ECM2: variants seen among roughly 807,000 people sequenced by gnomAD.
ECM2 encodes extracellular matrix protein 2, female organ and adipocyte specific.
ECM2 carries 57 observed loss-of-function variants against 67.5 expected under a neutral mutation model. The ratio of observed to expected loss-of-function variants is 0.84; its 90% CI spans 0.68 to 1.05. The LOEUF (loss-of-function observed/expected upper bound fraction) is 1.05, where lower values mean the gene tolerates loss of function less well. Ranked by LOEUF, ECM2 falls within the 50% of genes least tolerant of loss-of-function variation. The pLI is 0.00. For missense variants in ECM2, 741 were observed against 822.8 expected, an observed-to-expected ratio of 0.90 and a Z score of 1.22; for synonymous variants, 258 against 294.5, an observed-to-expected ratio of 0.88 and a Z score of 1.27.
chr9:92,533,968 T>C (rs1007859486), intron 1 of ECM2, among the ~76,000 whole-genome samples: 1 of 152,170 alleles, frequency 6.6e-6, no homozygotes, highest in African/African-American at 2.4e-5. Flanking sequence ...AGTTTTACCT[T>C]GGTAAAAGAA....
chr9:92,518,407 G>A (rs1205744028), intron 2 of ECM2, among the ~76,000 whole-genome samples: 1 of 152,142 alleles, frequency 6.6e-6, no homozygotes, highest in Non-Finnish European at 1.5e-5. Flanking sequence ...AGCCAATCCA[G>A]TTCCCTCATG....
chr9:92,554,746 T>G, the ECM2 span, among the ~76,000 whole-genome samples: 7 of 151,998 alleles, frequency 4.6e-5, no homozygotes, highest in African/African-American at 1.7e-4. Flanking sequence ...CAAGCAAGTT[T>G]CCTGCCTCAG....
chr9:92,532,030 T>TTTTTTTG (rs1848821351), intron 1 of ECM2, among the ~76,000 whole-genome samples: 1 of 125,758 alleles, frequency 8.0e-6, no homozygotes, highest in Non-Finnish European at 1.6e-5. Context: ...TTTTTTTTTA[T>TTTTTTTG]TTTATTTTTT....
intron 6 of ECM2, 94 bp downstream of exon 6, chr9:92,509,805 T>C: frequency 1.6e-6 from 2 of 1,283,974 alleles, no homozygotes; most frequent in Non-Finnish European, 2.1e-6. Flanking sequence ...TATTTACTAT[T>C]TATTCATTTG....
Position 92,509,949 on chromosome 9 carries a change from A to T in ECM2, c.1256T>A (p.Leu419His). The change falls in exon 6 of 10, where the codon CTT becomes CAT. Residue 419 changes from leucine to histidine, a missense_variant. By Grantham distance (99) the Leu-to-His change is moderately conservative. Transcript: ENST00000344604. Reference protein sequence around the residue: ...PSQLPSTLEELKVNENNLQAI... With the variant: ...PSQLPSTLEEHKVNENNLQAI... Reference sequence around the variant, plus strand: ...CTGAAGATTGTTCTCATTGACTTTAAGTTCTTCTAATGTAGATGGCAATTG... The same window carrying T: ...CTGAAGATTGTTCTCATTGACTTTATGTTCTTCTAATGTAGATGGCAATTG... The T allele has an allele frequency of 6.2e-7, 1 of 1,610,342 alleles. No individual in the cohort carries two copies. The highest frequency in any genetic ancestry group is 8.5e-7 in the Non-Finnish European group (1 of 1,179,286).
the ECM2 span, among the ~76,000 whole-genome samples, chr9:92,553,373 T>TG: frequency 6.6e-6 from 1 of 152,228 alleles, no homozygotes; most frequent in African/African-American, 2.4e-5. Context: ...TGCTTAGTCT[T>TG]GCTTTGGCTA....
intron 6 of ECM2, among the ~76,000 whole-genome samples, chr9:92,508,412 G>A (rs1847138091): frequency 6.6e-6 from 1 of 152,248 alleles, no homozygotes; most frequent in South Asian, 2.1e-4. Flanking sequence ...ATTTGTGAGT[G>A]AGGGAGGAGA....
At chr9:92,526,654 A>G (rs919958272) in intron 1 of ECM2, among the ~76,000 whole-genome samples, 1 of 151,982 alleles carries the variant, frequency 6.6e-6, no homozygotes, top group Non-Finnish European at 1.5e-5. Flanking sequence ...AAAAAAATCA[A>G]GAAGCCTTTA....
intron 8 of ECM2, among the ~76,000 whole-genome samples, chr9:92,502,109 A>G (rs977144766): frequency 2.6e-5 from 4 of 152,194 alleles, no homozygotes; most frequent in African/African-American, 4.8e-5. Context: ...CACTGTGTGC[A>G]GGGGAATAAT....
intron 9 of ECM2, among the ~76,000 whole-genome samples, chr9:92,497,620 G>A (rs1846423780): frequency 6.9e-6 from 1 of 144,600 alleles, no homozygotes; most frequent in Admixed American, 7.1e-5. Context: ...GCAAAACTCT[G>A]TCTCAAAAAA....
intron 3 of ECM2, 197 bp downstream of exon 3, chr9:92,517,490 A>G: frequency 1.4e-6 from 1 of 698,840 alleles, no homozygotes; most frequent in Non-Finnish European, 2.4e-6. Flanking sequence ...CTAGAACTAT[A>G]AAGCCACAGT....
the ECM2 span, among the ~76,000 whole-genome samples, chr9:92,545,140 T>C: frequency 6.6e-6 from 1 of 152,210 alleles, no homozygotes; most frequent in African/African-American, 2.4e-5. Flanking sequence ...GCGCCCACTC[T>C]GGCCGTGCTT....
chr9:92,551,131 C>T, the ECM2 span, among the ~76,000 whole-genome samples: 1 of 152,094 alleles, frequency 6.6e-6, no homozygotes, highest in Non-Finnish European at 1.5e-5. Context: ...AGACATCTTG[C>T]TTAGTGGCCA....
At chr9:92,515,272 G>A (rs1847631982) in intron 3 of ECM2, 69 bp from the exon 4 acceptor site, 3 of 1,391,808 alleles carry the variant, frequency 2.2e-6, no homozygotes, top group Non-Finnish European at 2.8e-6. Context: ...AAACCATAAT[G>A]AAAATGAGGT....
chr9:92,552,014 GAT>G, the ECM2 span, among the ~76,000 whole-genome samples: 76 of 141,838 alleles, frequency 5.4e-4, 7 homozygotes, highest in African/African-American at 1.7e-3. Context: ...GTATATATAT[GAT>G]ATGATAGATC....
chr9:92,553,586 C>T, the ECM2 span, among the ~76,000 whole-genome samples: 1 of 152,042 alleles, frequency 6.6e-6, no homozygotes, highest in South Asian at 2.1e-4. Flanking sequence ...TTTCTTTCAG[C>T]AGTGTTTTGT....
Position 92,505,571 on chromosome 9 carries a change from A to G in ECM2, c.1426T>C (p.Phe476Leu). The G allele has an allele frequency of 1.9e-6, 3 of 1,607,038 alleles. No homozygotes were observed. The highest frequency in any genetic ancestry group is 1.7e-6 in the Non-Finnish European group (2 of 1,178,358). ...GGAAGACCCTGCGGTATAATTCTAA[A>G]TTTATTTTTTCCCAGACGCAAGTAG... ...LAYLRLGKNKFRIIPQGLPGS... is the reference protein window; with the variant it reads ...LAYLRLGKNKLRIIPQGLPGS... The change falls in exon 7 of 10, where the codon TTT becomes CTT. Residue 476 changes from phenylalanine (F) to leucine (L), a missense_variant. By Grantham distance (22) the Phe-to-Leu change is conservative (BLOSUM62 0). Transcript: ENST00000344604.
intron 8 of ECM2, among the ~76,000 whole-genome samples, chr9:92,502,295 A>G (rs1297767079): frequency 6.6e-6 from 1 of 152,200 alleles, no homozygotes; most frequent in Admixed American, 6.5e-5. Flanking sequence ...AGTTACTGCA[A>G]TAATCCTAAC....
the ECM2 span, among the ~76,000 whole-genome samples, chr9:92,542,411 A>G: frequency 1.3e-5 from 2 of 151,536 alleles, no homozygotes; most frequent in Admixed American, 1.3e-4. Context: ...TCATTTGTCT[A>G]TTTTTGCTTT....
Sources: allele counts gnomAD v4.1 joint callset (sites outside exome capture counted in the v4.1 genomes callset), GRCh38; gene constraint gnomAD v4.1.1; transcripts MANE v1.5; gene names NCBI Gene and HGNC (gene_info 2026-07-23, HGNC 2026-07-21).